TMEFF1: variants seen among roughly 807,000 people sequenced by gnomAD.
TMEFF1 encodes the protein tomoregulin-1.
Under a neutral mutation model 47.5 loss-of-function variants are expected in TMEFF1, and 20 were observed. The observed-to-expected ratio is 0.42, with a 90% confidence interval of 0.30 to 0.61. The LOEUF is 0.61. Among genes scored for constraint, TMEFF1 ranks in the 20% least tolerant of loss-of-function variants. The pLI is 0.19. For missense variants in TMEFF1, 411 were observed against 471.1 expected, an observed-to-expected ratio of 0.87 and a Z score of 1.18; for synonymous variants, 162 against 166.3, an observed-to-expected ratio of 0.97 and a Z score of 0.20.
intron 5 of TMEFF1, among the ~76,000 whole-genome samples, chr9:100,543,704 AACACACACACACAC>A (rs36046142): frequency 1.3e-4 from 18 of 138,936 alleles, no homozygotes; most frequent in East Asian, 1.3e-3. Flanking sequence ...GATGAAGTAA[AACACACACACACAC>A]ACACACACAC....
At chr9:100,478,881 A>G (rs1454778546) in intron 1 of TMEFF1, among the ~76,000 whole-genome samples, 1 of 152,220 alleles carries the variant, frequency 6.6e-6, no homozygotes, top group Non-Finnish European at 1.5e-5. Flanking sequence ...CTTAGGGAAT[A>G]TGGTTAAAGA....
chr9:100,573,938 A>G (rs138981242), intron 9 of TMEFF1, among the ~76,000 whole-genome samples: 16 of 152,370 alleles, frequency 1.1e-4, no homozygotes, highest in African/African-American at 3.1e-4. Context: ...GAAAGAGAAG[A>G]TAGGGAAAAC....
chr9:100,513,969 A>G (rs1441888212), intron 4 of TMEFF1, among the ~76,000 whole-genome samples: 1 of 152,206 alleles, frequency 6.6e-6, no homozygotes, highest in East Asian at 1.9e-4. Flanking sequence ...TGTTTAAAAG[A>G]TTAATATTTG....
At chr9:100,522,430 C>T (rs367897113) in intron 5 of TMEFF1, among the ~76,000 whole-genome samples, 44 of 69,620 alleles carry the variant, frequency 6.3e-4, no homozygotes, top group African/African-American at 7.2e-4. Context: ...GAAATATCTT[C>T]TTTTTTTTTT....
rs938050980 is a variant in TMEFF1 at position 100,516,876 on chromosome 9, T to C, written c.560+105T>C. 5 of 1,390,798 alleles carry C rather than the reference T, an allele frequency of 3.6e-6. No homozygotes were observed. The African/African-American group carries it at 5.8e-5, about 16-fold the overall frequency. The allele number at this position is 1,390,798 out of a possible 1,614,324, so 86.2% of individuals were successfully genotyped here. Reference sequence around the variant, plus strand: ...ACCTGGTTCTGTATCTTTTGTGTGTTTTCAAATTTTTTTTTTGTTTAATGC... The same window carrying C: ...ACCTGGTTCTGTATCTTTTGTGTGTCTTCAAATTTTTTTTTTGTTTAATGC... On this transcript the variant is annotated intron_variant, in intron 5 of 9. Transcript: ENST00000374879.
chr9:100,511,654 G>T (rs1268854083), intron 3 of TMEFF1, among the ~76,000 whole-genome samples: 2 of 152,124 alleles, frequency 1.3e-5, no homozygotes, highest in Non-Finnish European at 2.9e-5. Flanking sequence ...TCTCCTCTGT[G>T]AAATCTTCCT....
chr9:100,556,846 T>C (rs921357270), intron 7 of TMEFF1, among the ~76,000 whole-genome samples: 2 of 152,246 alleles, frequency 1.3e-5, no homozygotes, highest in Middle Eastern at 3.4e-3. Context: ...GATTATGTAC[T>C]AACCTTCTTA....
intron 5 of TMEFF1, among the ~76,000 whole-genome samples, chr9:100,519,273 T>G (rs1838120940): frequency 6.6e-6 from 1 of 151,982 alleles, no homozygotes; most frequent in South Asian, 2.1e-4. Context: ...CTGGGTGTGG[T>G]GGCATGCACC....
At chr9:100,525,065 G>A (rs928777567) in intron 5 of TMEFF1, among the ~76,000 whole-genome samples, 3 of 152,268 alleles carry the variant, frequency 2.0e-5, no homozygotes, top group Middle Eastern at 3.4e-3. Flanking sequence ...CATCCACACA[G>A]CTGTCTATAG....
At chr9:100,536,214 A>C (rs1299843012) in intron 5 of TMEFF1, among the ~76,000 whole-genome samples, 2 of 152,198 alleles carry the variant, frequency 1.3e-5, no homozygotes, top group Non-Finnish European at 2.9e-5. Flanking sequence ...TATTGAGAGA[A>C]TCTGAAATAC....
chr9:100,494,206 C>CAAAAAA (rs543991655), intron 1 of TMEFF1, among the ~76,000 whole-genome samples: 3 of 54,224 alleles, frequency 5.5e-5, no homozygotes, highest in South Asian at 5.3e-4. Flanking sequence ...GACCTTGTCT[C>CAAAAAA]AAAAAAAAAA....
intron 5 of TMEFF1, among the ~76,000 whole-genome samples, chr9:100,531,902 A>C (rs1218286522): frequency 2.0e-5 from 3 of 150,644 alleles, no homozygotes; most frequent in Non-Finnish European, 3.0e-5. Flanking sequence ...GATATAGATC[A>C]ATGGAACAGA....
At chr9:100,505,012 A>G (rs1275121469) in intron 2 of TMEFF1, among the ~76,000 whole-genome samples, 1 of 152,230 alleles carries the variant, frequency 6.6e-6, no homozygotes, top group African/African-American at 2.4e-5. Context: ...AAAGTAATTT[A>G]TAATAAAATA....
At chr9:100,545,635 A>T (rs1490278562) in intron 5 of TMEFF1, among the ~76,000 whole-genome samples, 1 of 152,208 alleles carries the variant, frequency 6.6e-6, no homozygotes, top group Non-Finnish European at 1.5e-5. Flanking sequence ...TTCTGCAGCT[A>T]GCTTGAATTT....
intron 8 of TMEFF1, among the ~76,000 whole-genome samples, chr9:100,564,811 T>A (rs1170403448): frequency 6.6e-6 from 1 of 152,206 alleles, no homozygotes; most frequent in Non-Finnish European, 1.5e-5. Context: ...AGTAAGGGCC[T>A]GAATTAAGTA....
chr9:100,573,384 T>G (rs1041955032), intron 9 of TMEFF1, among the ~76,000 whole-genome samples: 1 of 152,234 alleles, frequency 6.6e-6, no homozygotes, highest in Admixed American at 6.5e-5. Context: ...TTATTCGTCA[T>G]AAATTAAATG....
chr9:100,503,750 A>G (rs1350378725), intron 2 of TMEFF1, among the ~76,000 whole-genome samples: 2 of 152,188 alleles, frequency 1.3e-5, no homozygotes, highest in Non-Finnish European at 2.9e-5. Context: ...TAAGCGGTCA[A>G]GCAAAAGGAG....
rs576788889 is a variant in TMEFF1 at position 100,508,246 on chromosome 9, A to C, written c.307-759A>C. Among the ~76,000 whole-genome samples the C allele has an allele frequency of 3.7e-4, 56 of 152,196 alleles. No homozygotes were observed. In the South Asian group the frequency reaches 0.011, roughly 30 times the overall value. Reference sequence around the variant, plus strand: ...TATAACATTTTCCCCAGATTTTAAAACTTTAGTCATTTATGATATTTCTAA... The same window carrying C: ...TATAACATTTTCCCCAGATTTTAAACCTTTAGTCATTTATGATATTTCTAA... On this transcript the variant is annotated intron_variant, in intron 2 of 9. Coordinates refer to ENST00000374879, the MANE Select transcript of TMEFF1 (RefSeq NM_003692.5).
chr9:100,498,714 C>T (rs1203403393), intron 1 of TMEFF1, 51 bp from the exon 2 acceptor site: 15 of 1,567,846 alleles, frequency 9.6e-6, no homozygotes, highest in Non-Finnish European at 1.2e-5. Flanking sequence ...CAGACACACA[C>T]ACGTAATAAA....
Sources: allele counts gnomAD v4.1 joint callset (sites outside exome capture counted in the v4.1 genomes callset), GRCh38; gene constraint gnomAD v4.1.1; transcripts MANE v1.5; gene names NCBI Gene and HGNC (gene_info 2026-07-23, HGNC 2026-07-21).